SPEG: variants seen among roughly 807,000 people sequenced by gnomAD.
SPEG encodes striated muscle preferentially expressed protein kinase.
In SPEG, 114 loss-of-function variants were observed where a neutral mutation model predicts 300.4. The ratio of observed to expected loss-of-function variants is 0.38; its 90% CI spans 0.33 to 0.44. The LOEUF (loss-of-function observed/expected upper bound fraction) is 0.44. Among genes scored for constraint, SPEG ranks in the 20% least tolerant of loss-of-function variants. The pLI is 1.00. For missense variants in SPEG, 4,201 were observed against 4,586.2 expected, an observed-to-expected ratio of 0.92 and a Z score of 2.43; for synonymous variants, 1,964 against 2,018.9, an observed-to-expected ratio of 0.97 and a Z score of 0.73.
rs201544999 is a variant in SPEG, at chr2:219,469,270, C to A, written c.3606C>A (p.Ala1202=). The A allele has an allele frequency of 6.2e-7, 1 of 1,613,888 alleles. No individual in the cohort carries two copies. Among genetic ancestry groups the A allele is most frequent in the African/African-American group, 1.3e-5 (1 of 75,044 alleles). The change falls in exon 13 of 41, where the codon GCC becomes GCA. Residue 1202 remains alanine, a synonymous_variant. Coordinates refer to ENST00000312358, the MANE Select transcript of SPEG (RefSeq NM_005876.5). The part of the protein sequence containing the change: ...RPLQDLEVGL[A]KEAMLECQVT... The stretch of plus-strand genomic sequence containing the variant: ...TGCAGGACCTGGAGGTGGGACTGGC[C>A]AAGGAGGCCATGCTAGAGTGCCAGG...
At chr2:219,453,732 TG>T (rs1354710321) in intron 6 of SPEG, among the ~76,000 whole-genome samples, 1 of 152,178 alleles carries the variant, frequency 6.6e-6, no homozygotes, top group African/African-American at 2.4e-5. Flanking sequence ...CCCCAGGGCC[TG>T]GGGGGCAGGC....
chr2:219,460,252 TCCCCCA>T, intron 6 of SPEG: 2 of 961,792 alleles, frequency 2.1e-6, no homozygotes, highest in Non-Finnish European at 2.5e-6. Context: ...CTCAGATTCT[TCCCCCA>T]CCTCTGTGAA....
intron 9 of SPEG, chr2:219,465,958 CGTGTGCATGCGTGTGTGTGCATGTGTGT>C (rs1691295923): frequency 1.0e-5 from 10 of 998,968 alleles, no homozygotes; most frequent in Middle Eastern, 2.1e-4. Flanking sequence ...TGCATGTGTG[CGTGTGCATGCGTGTGTGTGCATGTGTGT>C]GTGTGCGCGT....
chr2:219,465,797 CTGTGCGTGCATG>C, intron 9 of SPEG: 2 of 584,752 alleles, frequency 3.4e-6, no homozygotes, highest in Non-Finnish European at 6.2e-6. Context: ...GTCTGCGTGC[CTGTGCGTGCATG>C]TGTGCGTGTG....
chr2:219,451,590 GC>G lies in SPEG; in HGVS notation c.2258-33del, dbSNP rs762316664. On this transcript the variant is annotated intron_variant, in intron 5 of 40. Transcript: ENST00000312358. The surrounding 1 kb of genome is among the most constrained non-coding windows in gnomAD (Gnocchi z 6.4). ...AGAGATTCTCAGTGGGCGCCTGTGG[GC>G]CGTGGCGAGCCGGGTCCCTGTGCCT... 1.8e-5 allele frequency: 26 copies of G among 1,478,962 alleles called. No individual in the cohort carries two copies. The East Asian group carries it at 5.6e-4, about 32-fold the overall frequency. The allele number at this position is 1,478,962 out of a possible 1,614,324, so 91.6% of individuals were successfully genotyped here.
chr2:219,466,227 G>T, intron 9 of SPEG: 1 of 1,450,330 alleles, frequency 6.9e-7, no homozygotes, highest in Non-Finnish European at 9.0e-7. Flanking sequence ...CAGCCCCCAG[G>T]GGGATAGCCC....
chr2:219,481,502 T>C lies in SPEG; in HGVS notation c.5522+46T>C. On this transcript the variant is annotated intron_variant, in intron 27 of 40. Transcript: ENST00000312358. The surrounding 1 kb of genome is among the most constrained non-coding windows in gnomAD (Gnocchi z 5.4). Reference sequence around the variant, plus strand: ...GCCCCCACCTGCAGGGTCACCCTCATACCACCTGCCTGCTACTCCCAAACT... The same window carrying C: ...GCCCCCACCTGCAGGGTCACCCTCACACCACCTGCCTGCTACTCCCAAACT... 2 of 1,609,850 alleles carry C rather than the reference T, an allele frequency of 1.2e-6. No individual in the cohort carries two copies. The highest frequency in any genetic ancestry group is 8.5e-7 in the Non-Finnish European group (1 of 1,176,928).
intron 39 of SPEG, 41 bp from the exon 40 acceptor site, chr2:219,492,070 C>T (rs1287300302): frequency 6.3e-7 from 1 of 1,584,732 alleles, no homozygotes; most frequent in Non-Finnish European, 8.6e-7. Flanking sequence ...GGGTGTTGGC[C>T]TCCGGTCTGC....
At position 219,481,865 on chromosome 2, in the gene SPEG, A is replaced by G. The variant is rs1392704288; in HGVS notation, c.5565+185A>G. Among the ~76,000 whole-genome samples the G allele has an allele frequency of 6.6e-6, 1 of 152,222 alleles. No individual in the cohort carries two copies. The highest frequency in any genetic ancestry group is 2.4e-5 in the African/African-American group (1 of 41,460). On this transcript the variant is annotated intron_variant, in intron 28 of 40. Coordinates refer to ENST00000312358, the MANE Select transcript of SPEG (RefSeq NM_005876.5). The surrounding 1 kb of genome is among the most constrained non-coding windows in gnomAD (Gnocchi z 5.4). Reference sequence around the variant, plus strand: ...TATTAGTCCCATTTTGTTGACAAGGAAACAGGCTCTAATCAGTGATGGAGT... The same window carrying G: ...TATTAGTCCCATTTTGTTGACAAGGGAACAGGCTCTAATCAGTGATGGAGT...
At position 219,435,012 on chromosome 2, in the gene SPEG, C is replaced by T. The variant is rs1446360847; in HGVS notation, c.35C>T (p.Ala12Val). ...QKARGTRGEDAGTRAPPSPGV... is the reference protein window; with the variant it reads ...QKARGTRGEDVGTRAPPSPGV... The stretch of plus-strand genomic sequence containing the variant: ...GCCCGGGGCACGCGAGGCGAGGATG[C>T]GGGCACGAGGGCACCCCCCAGCCCC... Residue 12 changes from alanine to valine, a missense_variant, in exon 1 of 41, where the codon GCG becomes GTG. Transcript: ENST00000312358. 6.6e-7 allele frequency: 1 copy of T among 1,503,822 alleles called. No homozygotes were observed. The highest frequency in any genetic ancestry group is 1.2e-5 in the South Asian group (1 of 81,810). 93.2% of individuals were successfully genotyped at this position (1,503,822 alleles called of 1,614,324 possible).
At position 219,490,932 on chromosome 2, in the gene SPEG, C is replaced by T. The variant is rs775299831; in HGVS notation, c.9361C>T (p.Arg3121Cys). The change falls in exon 38 of 41, where the codon CGC (arginine) becomes TGC (cysteine). Residue 3121 changes from arginine to cysteine, a missense_variant. Physicochemically the swap from Arg to Cys is radical, Grantham distance 180. This residue lies in a region of SPEG where 318 missense variants were observed against 429.5 expected (regional missense o/e 0.74). Transcript: ENST00000312358. ...NPQALRPLGH[R>C]TGTLEFMAPE... ...CCAGGCCCTTAGGCCCCTTGGCCAC[C>T]GCACGGGCACGCTGGAGTTCATGGG... The T allele has an allele frequency of 3.5e-5, 56 of 1,612,958 alleles. No individual in the cohort carries two copies. Among genetic ancestry groups the T allele is most frequent in the East Asian group, 4.5e-5 (2 of 44,890 alleles).
In SPEG at chr2:219,451,592, C is replaced by A; in HGVS notation, c.2258-33C>A. The A allele has an allele frequency of 6.8e-7, 1 of 1,477,398 alleles. No individual in the cohort carries two copies. Among genetic ancestry groups the A allele is most frequent in the Non-Finnish European group, 9.0e-7 (1 of 1,113,612 alleles). The allele number at this position is 1,477,398 out of a possible 1,614,324, so 91.5% of individuals were successfully genotyped here. A position where few individuals can be genotyped will look rare whatever the true frequency, so the allele number is the denominator to read the frequency against. On this transcript the variant is annotated intron_variant, in intron 5 of 40. Coordinates refer to ENST00000312358, the MANE Select transcript of SPEG (RefSeq NM_005876.5). The surrounding 1 kb of genome is among the most constrained non-coding windows in gnomAD (Gnocchi z 6.4). ...AGATTCTCAGTGGGCGCCTGTGGGC[C>A]GTGGCGAGCCGGGTCCCTGTGCCTC...
At chr2:219,450,968 C>T (rs1426670387) in intron 4 of SPEG, 168 bp from the exon 5 acceptor site, 2 of 675,556 alleles carry the variant, frequency 3.0e-6, no homozygotes, top group African/African-American at 1.8e-5. Flanking sequence ...TTCCTTTTTT[C>T]CCTAAGGACA....
At position 219,444,899 on chromosome 2, in the gene SPEG, G is replaced by C. The variant is rs1388695070; in HGVS notation, c.553G>C (p.Val185Leu). The C allele has an allele frequency of 6.4e-7, 1 of 1,573,770 alleles. No homozygotes were observed. The highest frequency in any genetic ancestry group is 1.8e-5 in the Admixed American group (1 of 56,886). ...TSVTGTSEEQ[V>L]SWWGSGQTVL... ...CGTGACAGGCACCTCAGAGGAGCAAGTGAGCTGGTGGGGCAGCGGGCAGAC... is the reference window on the plus strand; with the variant it reads ...CGTGACAGGCACCTCAGAGGAGCAACTGAGCTGGTGGGGCAGCGGGCAGAC... The change falls in exon 3 of 41, where the codon GTG becomes CTG. Residue 185 changes from valine to leucine, a missense_variant. Val to Leu is a conservative substitution (Grantham distance 32). Around this residue, in one of 4 missense-constraint regions of SPEG, gnomAD observed 1,258 missense variants for 1,293.9 expected, o/e 0.97. Coordinates refer to ENST00000312358, the MANE Select transcript of SPEG (RefSeq NM_005876.5). This position sits in a 1 kb window ranked among gnomAD's most constrained non-coding sequence, Gnocchi z 7.8.
chr2:219,466,890 C>T (rs1450176510), intron 9 of SPEG: 13 of 1,209,596 alleles, frequency 1.1e-5, no homozygotes, highest in Middle Eastern at 3.2e-4. Context: ...TTTTTTCCCC[C>T]GCCGATGTCT....
rs1693784546 is a variant in SPEG, at chr2:219,489,655, T to A, written c.8637T>A (p.Thr2879=). ...PSEPKPFVLD[T]GTPIPASTPQ... ...AGCCCAAGCCTTTCGTCCTTGACAC[T>A]GGGACCCCGATCCCAGCCTCCACTC... The change falls in exon 36 of 41, where the codon ACT becomes ACA. Residue 2879 remains threonine, a synonymous_variant. Transcript: ENST00000312358. The A allele has an allele frequency of 6.2e-7, 1 of 1,613,844 alleles. No homozygotes were observed. Among genetic ancestry groups the A allele is most frequent in the African/African-American group, 1.3e-5 (1 of 74,888 alleles).
chr2:219,490,939 G>A lies in SPEG; in HGVS notation c.9368G>A (p.Gly3123Asp). ...QALRPLGHRT[G>D]TLEFMAPEMV... Reference sequence around the variant, plus strand: ...CTTAGGCCCCTTGGCCACCGCACGGGCACGCTGGAGTTCATGGGTGAGGGG... The same window carrying A: ...CTTAGGCCCCTTGGCCACCGCACGGACACGCTGGAGTTCATGGGTGAGGGG... The change falls in exon 38 of 41, where the codon GGC becomes GAC. Residue 3123 changes from glycine to aspartate, a missense_variant. Around this residue, in one of 4 missense-constraint regions of SPEG, gnomAD observed 318 missense variants for 429.5 expected, o/e 0.74. Transcript: ENST00000312358. 1 of 1,612,768 alleles carries A rather than the reference G, an allele frequency of 6.2e-7. No individual in the cohort carries two copies. The highest frequency in any genetic ancestry group is 8.5e-7 in the Non-Finnish European group (1 of 1,179,644).
rs918063847 is a variant in SPEG, at chr2:219,483,629, G to A, written c.6166G>A (p.Gly2056Arg). The change falls in exon 30 of 41, where the codon GGA (glycine) becomes AGA (arginine). Residue 2056 changes from glycine to arginine, a missense_variant. Physicochemically the swap from Gly to Arg is moderately radical, Grantham distance 125 (BLOSUM62 -2). Transcript: ENST00000312358. The stretch of plus-strand genomic sequence containing the variant: ...CCCGGGAGCCACCCGCCTGGCCCGG[G>A]GAGGCCTGGGTGAGGGCGAGTATGC... ...PSPGATRLARGGLGEGEYAQR... is the reference protein window; with the variant it reads ...PSPGATRLARRGLGEGEYAQR... 6.6e-7 allele frequency: 1 copy of A among 1,515,816 alleles called. No homozygotes were observed. The highest frequency in any genetic ancestry group is 8.8e-7 in the Non-Finnish European group (1 of 1,139,844). 93.9% of individuals were successfully genotyped at this position (1,515,816 alleles called of 1,614,324 possible).
At position 219,481,235 on chromosome 2, in the gene SPEG, C is replaced by T. The variant is rs1204724372; in HGVS notation, c.5370-69C>T. ...CCCAGAGCCTCCATCTGTCCCCAGC[C>T]CTGTGCCCCCACTGACATTCCCCTT... On this transcript the variant is annotated intron_variant, in intron 26 of 40. Transcript: ENST00000312358. This position sits in a 1 kb window ranked among gnomAD's most constrained non-coding sequence, Gnocchi z 5.4. 8 of 1,528,046 alleles carry T rather than the reference C, an allele frequency of 5.2e-6. No homozygotes were observed. In the Admixed American group the frequency reaches 1.2e-4, roughly 23 times the overall value. 94.7% of individuals were successfully genotyped at this position (1,528,046 alleles called of 1,614,324 possible). A position where few individuals can be genotyped will look rare whatever the true frequency, so the allele number is the denominator to read the frequency against.
Sources: allele counts gnomAD v4.1 joint callset (sites outside exome capture counted in the v4.1 genomes callset), GRCh38; gene constraint gnomAD v4.1.1; regional missense constraint gnomAD v4.1.1; non-coding constraint Gnocchi (gnomAD v3.1); transcripts MANE v1.5; gene names NCBI Gene and HGNC (gene_info 2026-07-23, HGNC 2026-07-21).